NOL4L: variants seen among roughly 807,000 people sequenced by gnomAD.
NOL4L encodes the protein nucleolar protein 4 like, also known as nucleolar protein 4-like.
A neutral mutation model predicts 64.5 loss-of-function variants in NOL4L; 7 were observed. The observed-to-expected ratio is 0.11, with a 90% CI of 0.06 to 0.20. NOL4L has a LOEUF of 0.20. Ranked by LOEUF, NOL4L falls within the 10% of genes least tolerant of loss-of-function variation. The pLI, the probability that NOL4L is intolerant of heterozygous loss-of-function variation, is 1.00. For missense variants in NOL4L, 680 were observed against 967.1 expected, an observed-to-expected ratio of 0.70 and a Z score of 3.94; for synonymous variants, 413 against 401.0, an observed-to-expected ratio of 1.03 and a Z score of -0.36.
chr20:32,559,949 TC>T (rs1978900405), intron 1 of NOL4L, among the ~76,000 whole-genome samples: 1 of 152,182 alleles, frequency 6.6e-6, no homozygotes, highest in Non-Finnish European at 1.5e-5. Context: ...AGACCAAGCC[TC>T]CCTCTGCCTC....
At chr20:32,578,327 G>T (rs4911100) in intron 1 of NOL4L, among the ~76,000 whole-genome samples, 1 of 151,936 alleles carries the variant, frequency 6.6e-6, no homozygotes, top group African/African-American at 2.4e-5. Context: ...GGCCCTGGTG[G>T]GTGCTGTCAC....
intron 5 of NOL4L, among the ~76,000 whole-genome samples, chr20:32,472,269 C>T (rs1304779016): frequency 6.6e-6 from 1 of 152,224 alleles, no homozygotes; most frequent in Non-Finnish European, 1.5e-5. Flanking sequence ...TGTTCGCAAC[C>T]GAGTCCCAGG....
In NOL4L at chr20:32,542,908, TG is replaced by T. The variant is rs1329309824; in HGVS notation, c.322-14996del. 2.0e-5 allele frequency among the ~76,000 whole-genome samples: 3 copies of T among 152,292 alleles called. No individual in the cohort carries two copies. The East Asian group carries it at 5.8e-4, about 29-fold the overall frequency. ...AACCTCCACTGGCTCCTCTTTAAAG[TG>T]GGGCTTTTAGGAGAACCGACCTCAC... On this transcript the variant is annotated intron_variant, in intron 1 of 10. Transcript: ENST00000621426.
chr20:32,443,831 TC>T lies in NOL4L; in HGVS notation c.*3764del. 1 of 152,354 alleles carries T rather than the reference TC, an allele frequency of 6.6e-6. No homozygotes were observed. Among genetic ancestry groups the T allele is most frequent in the Admixed American group, 6.5e-5 (1 of 15,300 alleles). 9.4% of individuals were successfully genotyped at this position (152,354 alleles called of 1,614,324 possible). A position where few individuals can be genotyped will look rare whatever the true frequency, so the allele number is the denominator to read the frequency against. ...TGCAGCAAAGTCCTGCCTTCCCTTT[TC>T]CTCTGTCCATGCAGTTACCCACCAG... On this transcript the variant is annotated 3_prime_UTR_variant, in exon 11 of 11. Coordinates refer to ENST00000621426, the MANE Select transcript of NOL4L (RefSeq NM_001256798.2).
intron 3 of NOL4L, among the ~76,000 whole-genome samples, chr20:32,517,090 C>T (rs1299342185): frequency 6.6e-6 from 1 of 152,248 alleles, no homozygotes; most frequent in Admixed American, 6.5e-5. Flanking sequence ...TCCTGATCCT[C>T]TGCCACCTCC....
intron 1 of NOL4L, among the ~76,000 whole-genome samples, chr20:32,537,780 CTTT>C (rs5841107): frequency 1.1e-4 from 16 of 143,268 alleles, no homozygotes; most frequent in Admixed American, 2.1e-4. Context: ...ACCCGCGTTT[CTTT>C]TTTTTTTTTT....
intron 5 of NOL4L, among the ~76,000 whole-genome samples, chr20:32,471,422 G>A (rs991031260): frequency 1.3e-5 from 2 of 151,988 alleles, no homozygotes; most frequent in Admixed American, 1.3e-4. Context: ...CCCGGGGAGT[G>A]AGAGCTGGCA....
intron 1 of NOL4L, among the ~76,000 whole-genome samples, chr20:32,555,765 A>G (rs1421164030): frequency 6.6e-6 from 1 of 152,100 alleles, no homozygotes; most frequent in Non-Finnish European, 1.5e-5. Flanking sequence ...CAAGAAGAGA[A>G]GCCCCAGAAG....
Position 32,443,967 on chromosome 20 carries a change from A to C in NOL4L, c.*3629T>G, listed in dbSNP as rs2145411519. 1 of 152,336 alleles carries C rather than the reference A, an allele frequency of 6.6e-6. No individual in the cohort carries two copies. Among genetic ancestry groups the C allele is most frequent in the East Asian group, 1.9e-4 (1 of 5,190 alleles). The allele number at this position is 152,336 out of a possible 1,614,324, so 9.4% of individuals were successfully genotyped here. On this transcript the variant is annotated 3_prime_UTR_variant, in exon 11 of 11. Transcript: ENST00000621426. ...GTGTTTTTCAGCCAATCTGAGTTCT[A>C]CGTGGTATAGGTTTTTTGTTGTATT... is the stretch of plus-strand genomic sequence containing the variant.
At chr20:32,475,809 A>G (rs1416480228) in intron 4 of NOL4L, among the ~76,000 whole-genome samples, 1 of 152,136 alleles carries the variant, frequency 6.6e-6, no homozygotes, top group African/African-American at 2.4e-5. Context: ...TATAGTGAGC[A>G]AACACACTTT....
chr20:32,553,140 C>T (rs1280700092), intron 1 of NOL4L, among the ~76,000 whole-genome samples: 1 of 152,144 alleles, frequency 6.6e-6, no homozygotes, highest in Admixed American at 6.5e-5. Flanking sequence ...CTGTGGCGCG[C>T]CCTTCAAAAC....
rs573601536 is a variant in NOL4L, at chr20:32,465,535, T to A, written c.841+9066A>T. On this transcript the variant is annotated intron_variant, in intron 5 of 10. Transcript: ENST00000621426. ...TGTGTGGGTGTTCTCCCTGGCCCCG[T>A]CCTCCAGGCCAAGCACAGGCGGTGA... Among the ~76,000 whole-genome samples the A allele has an allele frequency of 5.7e-4, 87 of 152,212 alleles. No individual in the cohort carries two copies. In the South Asian group the frequency reaches 6.8e-3, roughly 12 times the overall value.
rs374212206 is a variant in NOL4L, at chr20:32,447,429, A to AAAAAAAG, written c.*166_*167insCTTTTTT. On this transcript the variant is annotated 3_prime_UTR_variant, in exon 11 of 11. Coordinates refer to ENST00000621426, the MANE Select transcript of NOL4L (RefSeq NM_001256798.2). ...AAAAAAAAAAAAAAAAAAAAAAAAA[A>AAAAAAAG]GTGTCCTTGTGCCCAAAGTCTCAGG... 4.9e-5 allele frequency: 37 copies of AAAAAAAG among 758,120 alleles called. No individual in the cohort carries two copies. The highest frequency in any genetic ancestry group is 1.5e-4 in the East Asian group (5 of 33,346). The allele number at this position is 758,120 out of a possible 1,614,324, so 47.0% of individuals were successfully genotyped here.
At chr20:32,473,125 A>G (rs538828515) in intron 5 of NOL4L, among the ~76,000 whole-genome samples, 49 of 152,154 alleles carry the variant, frequency 3.2e-4, no homozygotes, top group Non-Finnish European at 5.3e-4. Flanking sequence ...GAATAACAGC[A>G]TGAGATCTGC....
At chr20:32,562,526 C>T (rs1979093632) in intron 1 of NOL4L, among the ~76,000 whole-genome samples, 1 of 152,116 alleles carries the variant, frequency 6.6e-6, no homozygotes, top group African/African-American at 2.4e-5. Context: ...TGCTTAGCCC[C>T]TTGGTGAGCC....
chr20:32,584,539 AC>A, intron 1 of NOL4L, 30 bp downstream of exon 1: 1 of 718,664 alleles, frequency 1.4e-6, no homozygotes, highest in Non-Finnish European at 1.8e-6. Flanking sequence ...CCGCGGCGGG[AC>A]CCGCCCGCGG....
chr20:32,445,579 A>G lies in NOL4L; in HGVS notation c.*2017T>C, dbSNP rs2012294015. 6.6e-6 allele frequency: 1 copy of G among 152,238 alleles called. No homozygotes were observed. The highest frequency in any genetic ancestry group is 6.5e-5 in the Admixed American group (1 of 15,290). The allele number at this position is 152,238 out of a possible 1,614,324, so 9.4% of individuals were successfully genotyped here. ...AATATTTACACGAATTCAAATGTTG[A>G]GTAGTACTGAGCAGGTGGGGCCAGA... On this transcript the variant is annotated 3_prime_UTR_variant, in exon 11 of 11. Transcript: ENST00000621426.
At chr20:32,514,940 G>A (rs1053891803) in intron 3 of NOL4L, among the ~76,000 whole-genome samples, 10 of 152,104 alleles carry the variant, frequency 6.6e-5, no homozygotes, top group South Asian at 2.1e-4. Context: ...GGCCCCGGTC[G>A]GCCCTTCGTT....
chr20:32,564,892 G>A (rs1037474509), intron 1 of NOL4L: 2 of 152,438 alleles, frequency 1.3e-5, no homozygotes, highest in African/African-American at 4.8e-5. Context: ...GAGACTTGTG[G>A]GCAGGGCCCA....
Sources: gnomAD v4.1 joint callset for allele counts (sites outside exome capture counted in the v4.1 genomes callset) on GRCh38, gnomAD v4.1.1 for gene constraint, MANE v1.5 for transcripts, NCBI Gene and HGNC (gene_info 2026-07-23, HGNC 2026-07-21) for gene names.